ROR2: variants seen among roughly 807,000 people sequenced by gnomAD.
The protein encoded by ROR2 is ROR family WNT receptor 2.
A neutral mutation model predicts 74.9 loss-of-function variants in ROR2; 33 were observed. That is an observed-to-expected ratio of 0.44 (90% CI 0.33 to 0.59). The LOEUF (loss-of-function observed/expected upper bound fraction) is 0.59, where lower values mean the gene tolerates loss of function less well. Among genes scored for constraint, ROR2 ranks in the 20% least tolerant of loss-of-function variants. The pLI is 0.02. For synonymous variants in ROR2, 586 were observed against 558.7 expected (o/e 1.05, Z -0.69); for missense variants, 1,216 against 1,313.8 (o/e 0.93, Z 1.15).
At chr9:91,915,075 G>T (rs948340685) in intron 1 of ROR2, among the ~76,000 whole-genome samples, 1 of 152,066 alleles carries the variant, frequency 6.6e-6, no homozygotes, top group African/African-American at 2.4e-5. Context: ...AGAACAGCAG[G>T]GGCGGCTCCG....
intron 2 of ROR2, 93 bp downstream of exon 2, chr9:91,775,648 C>T (rs953767656): frequency 1.5e-5 from 18 of 1,199,396 alleles, no homozygotes; most frequent in Non-Finnish European, 2.1e-5. Flanking sequence ...CCAGAGGACC[C>T]CCAGCGCCTT....
intron 1 of ROR2, among the ~76,000 whole-genome samples, chr9:91,919,590 GT>G (rs143540271): frequency 1.3e-5 from 2 of 151,538 alleles, no homozygotes; most frequent in African/African-American, 2.4e-5. Context: ...CCTCATTTAG[GT>G]TTTTTTTTCT....
At chr9:91,765,169 C>A (rs1442776233) in intron 2 of ROR2, among the ~76,000 whole-genome samples, 3 of 152,102 alleles carry the variant, frequency 2.0e-5, no homozygotes, top group Admixed American at 6.5e-5. Flanking sequence ...TATGATAATT[C>A]CACTGTGCTC....
At chr9:91,725,164 G>A (rs992314460) in intron 8 of ROR2, 57 bp from the exon 9 acceptor site, 3 of 1,607,120 alleles carry the variant, frequency 1.9e-6, no homozygotes, top group Non-Finnish European at 2.5e-6. Flanking sequence ...CCTGGAGGAA[G>A]CTGCAGAGCA....
intron 1 of ROR2, among the ~76,000 whole-genome samples, chr9:91,901,885 G>A (rs946278048): frequency 3.9e-5 from 6 of 151,936 alleles, no homozygotes; most frequent in Admixed American, 6.6e-5. Flanking sequence ...GCTACTGTGT[G>A]AGGAAAAGTC....
intron 1 of ROR2, among the ~76,000 whole-genome samples, chr9:91,869,996 G>A (rs1369846603): frequency 6.6e-6 from 1 of 152,200 alleles, no homozygotes; most frequent in Non-Finnish European, 1.5e-5. Flanking sequence ...TCTGTTCCGA[G>A]AGCCAAGAAT....
intron 1 of ROR2, among the ~76,000 whole-genome samples, chr9:91,900,454 A>G (rs1052933192): frequency 2.0e-5 from 3 of 152,228 alleles, no homozygotes; most frequent in Non-Finnish European, 4.4e-5. Flanking sequence ...GGCTGCCTGG[A>G]GCAAGAGAGG....
rs551756913 is a variant in ROR2 at position 91,831,645 on chromosome 9, C to A, written c.98-55827G>T. Among the ~76,000 whole-genome samples the A allele has an allele frequency of 5.9e-4, 90 of 152,084 alleles. 1 individual carries two copies. Among genetic ancestry groups the A allele is most frequent in the Non-Finnish European group, 1.1e-3 (75 of 68,016 alleles). ...ACAAAATTAGCCTGGCATGGTGGCGCATGCCTGTAATCTCAGCTACTTGGG... is the reference window on the plus strand; with the variant it reads ...ACAAAATTAGCCTGGCATGGTGGCGAATGCCTGTAATCTCAGCTACTTGGG... On this transcript the variant is annotated intron_variant, in intron 1 of 8. Coordinates refer to ENST00000375708, the MANE Select transcript of ROR2 (RefSeq NM_004560.4).
At chr9:91,912,776 A>C (rs1243177065) in intron 1 of ROR2, among the ~76,000 whole-genome samples, 1 of 152,258 alleles carries the variant, frequency 6.6e-6, no homozygotes, top group African/African-American at 2.4e-5. Context: ...TCAAGTTAAT[A>C]GAATAATTTC....
At chr9:91,885,785 CA>C (rs1327620381) in intron 1 of ROR2, among the ~76,000 whole-genome samples, 1 of 150,026 alleles carries the variant, frequency 6.7e-6, no homozygotes, top group African/African-American at 2.5e-5. Context: ...CAAAATAAAA[CA>C]AAACTCATGA....
intron 5 of ROR2, 105 bp downstream of exon 5, chr9:91,737,286 C>A: frequency 7.0e-7 from 1 of 1,418,848 alleles, no homozygotes; most frequent in South Asian, 1.2e-5. Context: ...GGAAGAGGCA[C>A]CCACTGACCA....
chr9:91,862,514 T>C (rs903540800), intron 1 of ROR2, among the ~76,000 whole-genome samples: 13 of 151,676 alleles, frequency 8.6e-5, no homozygotes, highest in African/African-American at 2.9e-4. Context: ...ATGTAAAAAT[T>C]AGCTTGGCAT....
chr9:91,743,556 G>A (rs1825314930), intron 4 of ROR2, among the ~76,000 whole-genome samples: 1 of 151,842 alleles, frequency 6.6e-6, no homozygotes, highest in Non-Finnish European at 1.5e-5. Context: ...GGGTGACAGA[G>A]TAGGACTCCA....
At chr9:91,740,235 A>C (rs1191149025) in intron 4 of ROR2, among the ~76,000 whole-genome samples, 2 of 152,038 alleles carry the variant, frequency 1.3e-5, no homozygotes, top group Admixed American at 6.6e-5. Flanking sequence ...CCCTCACCGA[A>C]GCGGGCTTTC....
intron 2 of ROR2, 147 bp from the exon 3 acceptor site, chr9:91,757,706 T>G (rs1472637974): frequency 1.2e-6 from 1 of 833,538 alleles, no homozygotes; most frequent in African/African-American, 1.7e-5. Flanking sequence ...GTAATTATCT[T>G]CTAGAAAGCT....
At chr9:91,788,168 C>G (rs1826859400) in intron 1 of ROR2, among the ~76,000 whole-genome samples, 1 of 151,674 alleles carries the variant, frequency 6.6e-6, no homozygotes, top group Non-Finnish European at 1.5e-5. Flanking sequence ...ATTATCTAGT[C>G]TGCAAAGAAA....
intron 1 of ROR2, among the ~76,000 whole-genome samples, chr9:91,789,258 T>C (rs1038181330): frequency 2.6e-5 from 4 of 152,070 alleles, no homozygotes; most frequent in African/African-American, 9.7e-5. Flanking sequence ...AAAATTAAAT[T>C]TAAAAAATGA....
rs112382055 is a variant in ROR2, at chr9:91,753,153, A to G, written c.494+2918T>C. Among the ~76,000 whole-genome samples the G allele has an allele frequency of 3.0e-4, 45 of 152,268 alleles. 1 individual carries two copies. The highest frequency in any genetic ancestry group is 6.5e-5 in the Admixed American group (1 of 15,286). ...CAGAATCTTTCAAGGAAATCATGAC[A>G]TTCTTTAACAAGACATAACATGAAA... On this transcript the variant is annotated intron_variant, in intron 4 of 8. Coordinates refer to ENST00000375708, the MANE Select transcript of ROR2 (RefSeq NM_004560.4).
chr9:91,754,276 T>C (rs1053569506), intron 4 of ROR2, among the ~76,000 whole-genome samples: 1 of 150,534 alleles, frequency 6.6e-6, no homozygotes, highest in Non-Finnish European at 1.5e-5. Context: ...TGTAATTATA[T>C]GTTATGTATT....
Sources: gnomAD v4.1 joint callset for allele counts (sites outside exome capture counted in the v4.1 genomes callset) on GRCh38, gnomAD v4.1.1 for gene constraint, MANE v1.5 for transcripts, NCBI Gene and HGNC (gene_info 2026-07-23, HGNC 2026-07-21) for gene names.